Variants in PGAM2 observed in about 807,000 individuals in gnomAD.
PGAM2 encodes the protein phosphoglycerate mutase 2, also known as BPG-dependent PGAM 2.
A neutral mutation model predicts 22.5 loss-of-function variants in PGAM2; 23 were observed. The observed-to-expected ratio is 1.02, with a 90% CI of 0.74 to 1.45. PGAM2 has a LOEUF of 1.45. Among genes scored for constraint, PGAM2 ranks in the 40% most tolerant of loss-of-function variants. The pLI is 0.00. For synonymous variants in PGAM2, 133 were observed against 138.6 expected (o/e 0.96, Z 0.29); for missense variants, 349 against 356.2 (o/e 0.98, Z 0.16).
chr7:44,064,988 G>A lies in PGAM2; in HGVS notation c.439C>T (p.Pro147Ser). The stretch of plus-strand genomic sequence containing the variant: ...CTCTCGCAGGTGGGGAGTTCCCCGG[G>A]CTTCAGGCCTGCGTACCGACGCTCC... ...SKERRYAGLK[P>S]GELPTCESLK... Residue 147 changes from proline (P) to serine (S), a missense_variant, in exon 2 of 3, where the codon CCC (proline) becomes TCC (serine). Pro to Ser is a moderately conservative substitution (Grantham distance 74). Transcript: ENST00000297283. 3 of 1,606,650 alleles carry A rather than the reference G, an allele frequency of 1.9e-6. No homozygotes were observed. Among genetic ancestry groups the A allele is most frequent in the Non-Finnish European group, 2.5e-6 (3 of 1,179,614 alleles).
chr7:44,062,761 C>G lies in PGAM2; in HGVS notation c.*3G>C. The G allele has an allele frequency of 6.2e-7, 1 of 1,614,090 alleles. No homozygotes were observed. Among genetic ancestry groups the G allele is most frequent in the Non-Finnish European group, 8.5e-7 (1 of 1,179,994 alleles). ...AGGTGCCTTTATTGCCCAAGCCCAC[C>G]CCTCACTTGGCCTTGCCCTGGGCAG... On this transcript the variant is annotated 3_prime_UTR_variant, in exon 3 of 3. Coordinates refer to ENST00000297283, the MANE Select transcript of PGAM2 (RefSeq NM_000290.4).
At chr7:44,064,793 GCCCACCCACCCT>G in intron 2 of PGAM2, 27 bp downstream of exon 2, 1 of 1,136,976 alleles carries the variant, frequency 8.8e-7, no homozygotes, top group African/African-American at 1.5e-5. Context: ...TGGGGCTGCT[GCCCACCCACCCT>G]GCCCAGGCTC....
chr7:44,064,530 C>G, intron 2 of PGAM2: 1 of 450,064 alleles, frequency 2.2e-6, no homozygotes. Context: ...ATGCTCTAAG[C>G]CCAGCCCTTC....
At position 44,064,501 on chromosome 7, in the gene PGAM2, A is replaced by ATTACT. The variant is rs549054819; in HGVS notation, c.595+330_595+331insAGTAA. Reference sequence around the variant, plus strand: ...GTGGCTTGTCCAGGGCCCCACAGTAAGTTGGGATTTGGAGCCAGATGCTCT... The same window carrying ATTACT: ...GTGGCTTGTCCAGGGCCCCACAGTAATTACTGTTGGGATTTGGAGCCAGATGCTCT... On this transcript the variant is annotated intron_variant, in intron 2 of 2. Transcript: ENST00000297283. 2.9e-3 allele frequency: 1,137 copies of ATTACT among 387,060 alleles called. 5 individuals are homozygous for ATTACT. Among genetic ancestry groups the ATTACT allele is most frequent in the Non-Finnish European group, 4.6e-3 (940 of 204,486 alleles). The allele number at this position is 387,060 out of a possible 1,614,324, so 24.0% of individuals were successfully genotyped here.
Position 44,065,512 on chromosome 7 carries a change from G to C in PGAM2, c.18C>G (p.Leu6=), listed in dbSNP as rs143473990. The change falls in exon 1 of 3, where the codon CTC becomes CTG. Residue 6 remains leucine, a synonymous_variant. Coordinates refer to ENST00000297283, the MANE Select transcript of PGAM2 (RefSeq NM_000290.4). ...TGCTCTCGCCGTGCCGGACCATCAC[G>C]AGGCGGTGAGTGGCCATGGTGGCAG... MATHR[L]VMVRHGESTW... 1.9e-6 allele frequency: 3 copies of C among 1,614,002 alleles called. No individual in the cohort carries two copies. The highest frequency in any genetic ancestry group is 2.5e-6 in the Non-Finnish European group (3 of 1,180,032).
chr7:44,064,794 C>A, intron 2 of PGAM2, 38 bp downstream of exon 2: 4 of 526,670 alleles, frequency 7.6e-6, no homozygotes, highest in East Asian at 5.1e-5. Flanking sequence ...GGGGCTGCTG[C>A]CCACCCACCC....
At chr7:44,064,625 G>A (rs993405315) in intron 2 of PGAM2, 15 of 602,054 alleles carry the variant, frequency 2.5e-5, no homozygotes, top group Non-Finnish European at 5.9e-6. Flanking sequence ...AGTGCAGTCA[G>A]CCCCTGTGGA....
At position 44,062,801 on chromosome 7, in the gene PGAM2, G is replaced by A. The variant is rs1327880881; in HGVS notation, c.725C>T (p.Ala242Val). 6.2e-7 allele frequency: 1 copy of A among 1,614,088 alleles called. No homozygotes were observed. Among genetic ancestry groups the A allele is most frequent in the East Asian group, 2.2e-5 (1 of 44,894 alleles). Residue 242 changes from alanine (A) to valine (V), a missense_variant, in exon 3 of 3, where the codon GCC (alanine) becomes GTC (valine). By Grantham distance (64) the Ala-to-Val change is moderately conservative. Transcript: ENST00000297283. ...GCCCTGGGCAGCCACAGCCTCCATG[G>A]CCTTCCGCACCGTTTCCTCATCACC... ...FLGDEETVRK[A>V]MEAVAAQGKA...
rs989223667 is a variant in PGAM2, at chr7:44,065,534, G to A, written c.-5C>T. 34 of 1,613,504 alleles carry A rather than the reference G, an allele frequency of 2.1e-5. No homozygotes were observed. The highest frequency in any genetic ancestry group is 2.9e-5 in the Non-Finnish European group (34 of 1,179,916). ...CACGAGGCGGTGAGTGGCCATGGTG[G>A]CAGCAGGGACCACAGAGGACTCTGG... On this transcript the variant is annotated 5_prime_UTR_variant, in exon 1 of 3. Transcript: ENST00000297283.
intron 2 of PGAM2, 131 bp from the exon 3 acceptor site, chr7:44,063,061 G>T: frequency 1.0e-6 from 1 of 979,854 alleles, no homozygotes; most frequent in East Asian, 2.5e-5. Context: ...CTGAGAACGA[G>T]GCCACAGAAA....
Position 44,064,703 on chromosome 7 carries a change from T to C in PGAM2, c.595+129A>G, listed in dbSNP as rs1020610845. On this transcript the variant is annotated intron_variant, in intron 2 of 2. Coordinates refer to ENST00000297283, the MANE Select transcript of PGAM2 (RefSeq NM_000290.4). ...TAAAAAATGGCTTCTCAGCCCTCCTTTTTCAGTGAATGATGTGGAGCCCCA... is the reference window on the plus strand; with the variant it reads ...TAAAAAATGGCTTCTCAGCCCTCCTCTTTCAGTGAATGATGTGGAGCCCCA... 15 of 851,190 alleles carry C rather than the reference T, an allele frequency of 1.8e-5. 1 individual carries two copies. In the Admixed American group the frequency reaches 3.4e-4, roughly 19 times the overall value. 52.7% of individuals were successfully genotyped at this position (851,190 alleles called of 1,614,324 possible). A position where few individuals can be genotyped will look rare whatever the true frequency, so the allele number is the denominator to read the frequency against.
chr7:44,065,541 G>A lies in PGAM2; in HGVS notation c.-12C>T. 6.2e-7 allele frequency: 1 copy of A among 1,612,980 alleles called. No individual in the cohort carries two copies. Among genetic ancestry groups the A allele is most frequent in the Non-Finnish European group, 8.5e-7 (1 of 1,179,444 alleles). ...CGGTGAGTGGCCATGGTGGCAGCAG[G>A]GACCACAGAGGACTCTGGACGGGGA... On this transcript the variant is annotated 5_prime_UTR_variant, in exon 1 of 3. Transcript: ENST00000297283.
In PGAM2 at chr7:44,065,382, T is replaced by G. The variant is rs151308911; in HGVS notation, c.148A>C (p.Met50Leu). The change falls in exon 1 of 3, where the codon ATG becomes CTG. Residue 50 changes from methionine (M) to leucine (L), a missense_variant. Transcript: ENST00000297283. ...RGAKAIKDAK[M>L]EFDICYTSVL... ...GACGTGTAGCAGATGTCAAACTCCA[T>G]CTTGGCATCCTTGATGGCCTTGGCT... 137 of 1,613,952 alleles carry G rather than the reference T, an allele frequency of 8.5e-5. No homozygotes were observed. Among genetic ancestry groups the G allele is most frequent in the Admixed American group, 5.0e-4 (30 of 60,014 alleles).
At chr7:44,064,654 G>C (rs1305300149) in intron 2 of PGAM2, 178 bp downstream of exon 2, 4 of 647,132 alleles carry the variant, frequency 6.2e-6, no homozygotes, top group African/African-American at 3.6e-5. Context: ...CAGTTACACA[G>C]AAATGGGGAA....
chr7:44,064,929 G>T lies in PGAM2; in HGVS notation c.498C>A (p.Phe166Leu). Residue 166 changes from phenylalanine to leucine, a missense_variant, in exon 2 of 3, where the codon TTC becomes TTA. Physicochemically the swap from Phe to Leu is conservative, Grantham distance 22 (BLOSUM62 0). Transcript: ENST00000297283. ...TCTGGGGAACAATCTCCTCGTTCCA[G>T]AAGGGCAGGGCCCGGGCAATGGTGT... ...LKDTIARALP[F>L]WNEEIVPQIK... 6.2e-7 allele frequency: 1 copy of T among 1,610,688 alleles called. No individual in the cohort carries two copies.
In PGAM2 at chr7:44,065,471, T is replaced by G. The variant is rs1336837510; in HGVS notation, c.59A>C (p.Asn20Thr). 11 of 1,614,108 alleles carry G rather than the reference T, an allele frequency of 6.8e-6. No homozygotes were observed. The highest frequency in any genetic ancestry group is 9.3e-6 in the Non-Finnish European group (11 of 1,180,028). ...TGCATCGAACCAGCCACAGAAACGG[T>G]TCTCCTGGTTCCATGTGCTCTCGCC... ...RHGESTWNQE[N>T]RFCGWFDAEL... The change falls in exon 1 of 3, where the codon AAC (asparagine) becomes ACC (threonine). Residue 20 changes from asparagine (N) to threonine (T), a missense_variant. Physicochemically the swap from Asn to Thr is moderately conservative, Grantham distance 65 (BLOSUM62 0). Transcript: ENST00000297283.
At position 44,064,489 on chromosome 7, in the gene PGAM2, G is replaced by A. The variant is rs928977557; in HGVS notation, c.595+343C>T. 8.0e-6 allele frequency: 3 copies of A among 373,448 alleles called. No individual in the cohort carries two copies. In the Admixed American group the frequency reaches 1.2e-4, roughly 15 times the overall value. The allele number at this position is 373,448 out of a possible 1,614,324, so 23.1% of individuals were successfully genotyped here. A position where few individuals can be genotyped will look rare whatever the true frequency, so the allele number is the denominator to read the frequency against. ...CCAGAGATGGAGGTGGCTTGTCCAG[G>A]GCCCCACAGTAAGTTGGGATTTGGA... On this transcript the variant is annotated intron_variant, in intron 2 of 2. Coordinates refer to ENST00000297283, the MANE Select transcript of PGAM2 (RefSeq NM_000290.4).
At position 44,065,263 on chromosome 7, in the gene PGAM2, C is replaced by T; in HGVS notation, c.267G>A (p.Glu89=). The T allele has an allele frequency of 6.2e-7, 1 of 1,613,818 alleles. No individual in the cohort carries two copies. The highest frequency in any genetic ancestry group is 8.5e-7 in the Non-Finnish European group (1 of 1,180,052). Residue 89 remains glutamate, a synonymous_variant, in exon 1 of 3, where the codon GAG becomes GAA. Coordinates refer to ENST00000297283, the MANE Select transcript of PGAM2 (RefSeq NM_000290.4). ...GGCCTGTGAGGCCCCCGTAATGCCG[C>T]TCATTGAGGCGCCAAGTGCGCACCA... ...LPVVRTWRLN[E]RHYGGLTGLN...
rs1562661212 is a variant in PGAM2, at chr7:44,065,158, G to A, written c.372C>T (p.Pro124=). The A allele has an allele frequency of 6.2e-7, 1 of 1,614,074 alleles. No individual in the cohort carries two copies. Among genetic ancestry groups the A allele is most frequent in the East Asian group, 2.2e-5 (1 of 44,882 alleles). The change falls in exon 1 of 3, where the codon CCC becomes CCT. Residue 124 remains proline (P), a synonymous_variant. Transcript: ENST00000297283. The part of the protein sequence containing the change: ...IWRRSFDIPP[P]PMDEKHPYYN... ...AGTAGGGGTGCTTCTCGTCCATCGG[G>A]GGCGGCGGGATGTCGAAGGAGCGCC...
Sources: gnomAD v4.1 joint callset for allele counts on GRCh38, gnomAD v4.1.1 for gene constraint, MANE v1.5 for transcripts, NCBI Gene and HGNC (gene_info 2026-07-23, HGNC 2026-07-21) for gene names.